The following ZNF415 variants were observed in gnomAD, a reference collection of about 807,000 sequenced individuals.
ZNF415 encodes zinc finger protein 415.
A neutral mutation model predicts 7.3 loss-of-function variants in ZNF415; 5 were observed. The observed-to-expected ratio is 0.69, with a 90% CI of 0.36 to 1.44. The LOEUF is 1.44. Ranked by LOEUF, ZNF415 falls within the 40% of genes most tolerant of loss-of-function variation. ZNF415 has a pLI of 0.04. For missense variants in ZNF415, 628 were observed against 664.8 expected (o/e 0.94, Z 0.61); for synonymous variants, 207 against 226.3 (o/e 0.91, Z 0.77).
At chr19:53,123,395 G>A (rs1397325126) in intron 1 of ZNF415, 2 of 397,326 alleles carry the variant, frequency 5.0e-6, no homozygotes, top group African/African-American at 4.1e-5. Flanking sequence ...GACCAGAGGT[G>A]GGGGTGAGGG....
intron 3 of ZNF415, chr19:53,115,752 C>A: frequency 6.4e-7 from 1 of 1,550,474 alleles, no homozygotes; most frequent in Non-Finnish European, 8.7e-7. Context: ...TTTCTTGCTA[C>A]TCGTACTTGG....
chr19:53,123,845 T>A, intron 1 of ZNF415: 1 of 324,000 alleles, frequency 3.1e-6, no homozygotes, highest in Non-Finnish European at 5.5e-6. Context: ...GTCCCGCTCA[T>A]CTGAGATGTG....
intron 1 of ZNF415, chr19:53,129,762 C>A: frequency 2.5e-6 from 1 of 395,330 alleles, no homozygotes; most frequent in Non-Finnish European, 4.5e-6. Flanking sequence ...TATCACATCT[C>A]CCTTAGAAAA....
At chr19:53,121,510 C>T (rs1156769549) in intron 2 of ZNF415, among the ~76,000 whole-genome samples, 1 of 152,054 alleles carries the variant, frequency 6.6e-6, no homozygotes, top group African/African-American at 2.4e-5. Flanking sequence ...TTACTGTAAC[C>T]TTTGCCTCCC....
intron 1 of ZNF415, among the ~76,000 whole-genome samples, chr19:53,130,928 G>A (rs375665167): frequency 2.6e-5 from 4 of 152,106 alleles, no homozygotes; most frequent in Non-Finnish European, 1.5e-5. Flanking sequence ...ACAGGCATGA[G>A]CCACCATGCC....
rs2088319550 is a variant in ZNF415, at chr19:53,122,703, G to A, written c.-27C>T. The stretch of plus-strand genomic sequence containing the variant: ...CCTGACTCCTTTGCTCTCCTCTTCT[G>A]GGTTTCTTCCTCATGTGCCAGGAGT... On this transcript the variant is annotated 5_prime_UTR_variant, in exon 2 of 4. Transcript: ENST00000243643. 1 of 1,613,984 alleles carries A rather than the reference G, an allele frequency of 6.2e-7. No homozygotes were observed. The highest frequency in any genetic ancestry group is 2.2e-5 in the East Asian group (1 of 44,872).
In ZNF415 at chr19:53,109,069, T is replaced by C; in HGVS notation, c.976A>G (p.Lys326Glu). 1 of 1,612,434 alleles carries C rather than the reference T, an allele frequency of 6.2e-7. No homozygotes were observed. Among genetic ancestry groups the C allele is most frequent in the Non-Finnish European group, 8.5e-7 (1 of 1,178,614 alleles). ...CCACACTCTTTACATGTGTAAGGTTTCTCTCCAATATGAGTTTTCTGATGT... is the reference window on the plus strand; with the variant it reads ...CCACACTCTTTACATGTGTAAGGTTCCTCTCCAATATGAGTTTTCTGATGT... ...ALHQKTHIGE[K>E]PYTCKECGKA... The change falls in exon 4 of 4, where the codon AAA becomes GAA. Residue 326 changes from lysine to glutamate, a missense_variant. Transcript: ENST00000243643.
intron 3 of ZNF415, 105 bp downstream of exon 3, chr19:53,116,208 G>T (rs1411168937): frequency 2.3e-6 from 3 of 1,293,090 alleles, no homozygotes; most frequent in African/African-American, 3.0e-5. Flanking sequence ...AGTCAACAAG[G>T]CCTCAAACTC....
intron 3 of ZNF415, among the ~76,000 whole-genome samples, chr19:53,114,365 CG>C (rs2086686776): frequency 6.6e-6 from 1 of 152,052 alleles, no homozygotes; most frequent in African/African-American, 2.4e-5. Context: ...TTAGTAGAGA[CG>C]GGGTTTCACC....
Position 53,109,467 on chromosome 19 carries a change from T to C in ZNF415, c.578A>G (p.Tyr193Cys), listed in dbSNP as rs1560099. 265,202 of 1,613,688 alleles carry C rather than the reference T, an allele frequency of 0.16. 24,244 individuals carry two copies. The highest frequency in any genetic ancestry group is 0.35 in the East Asian group (15,823 of 44,856). ...STIKTHVSNKYGTDFICSSLL... is the reference protein window; with the variant it reads ...STIKTHVSNKCGTDFICSSLL... ...TGAAGAACAGATGAAATCAGTCCCA[T>C]ATTTATTAGAAACATGGGTTTTGAT... Residue 193 changes from tyrosine to cysteine, a missense_variant, in exon 4 of 4, where the codon TAT (tyrosine) becomes TGT (cysteine). Physicochemically the swap from Tyr to Cys is radical, Grantham distance 194. Transcript: ENST00000243643.
intron 1 of ZNF415, among the ~76,000 whole-genome samples, chr19:53,127,813 G>C (rs2089432500): frequency 6.6e-6 from 1 of 151,298 alleles, no homozygotes; most frequent in South Asian, 2.1e-4. Flanking sequence ...GGAGGTGGAG[G>C]TTGCAGTGGG....
rs913589438 is a variant in ZNF415, at chr19:53,115,639, C to T, written c.136+674G>A. 673 of 1,277,684 alleles carry T rather than the reference C, an allele frequency of 5.3e-4. 7 individuals are homozygous for T. Among genetic ancestry groups the T allele is most frequent in the Middle Eastern group, 7.4e-4 (4 of 5,394 alleles). 79.1% of individuals were successfully genotyped at this position (1,277,684 alleles called of 1,614,324 possible). On this transcript the variant is annotated intron_variant, in intron 3 of 3. Transcript: ENST00000243643. ...TTTGTTTTCCTACAGAACTCTCCCA[C>T]TTGCTAAGAGTTTCCAAACATAGTG...
At chr19:53,130,610 G>T (rs980569019) in intron 1 of ZNF415, among the ~76,000 whole-genome samples, 8 of 151,928 alleles carry the variant, frequency 5.3e-5, no homozygotes, top group African/African-American at 1.9e-4. Context: ...AAGGGAATTA[G>T]TAAGAAAAAA....
At chr19:53,110,408 T>C (rs1302500371) in intron 3 of ZNF415, among the ~76,000 whole-genome samples, 1 of 152,092 alleles carries the variant, frequency 6.6e-6, no homozygotes, top group African/African-American at 2.4e-5. Context: ...AAAACAGTAA[T>C]AGCACTGAGA....
rs2085884627 is a variant in ZNF415, at chr19:53,109,375, C to T, written c.670G>A (p.Ala224Thr). Residue 224 changes from alanine to threonine, a missense_variant, in exon 4 of 4, where the codon GCC (alanine) becomes ACC (threonine). By Grantham distance (58) the Ala-to-Thr change is moderately conservative. Coordinates refer to ENST00000243643, the MANE Select transcript of ZNF415 (RefSeq NM_018355.4). ...KPYRYIECDK[A>T]LNHGSHMTVR... ...GTCATGTGTGAGCCATGATTCAAGG[C>T]TTTGTCGCACTCAATATATCTGTAA... 6.2e-7 allele frequency: 1 copy of T among 1,614,130 alleles called. No homozygotes were observed. Among genetic ancestry groups the T allele is most frequent in the Non-Finnish European group, 8.5e-7 (1 of 1,180,006 alleles).
chr19:53,115,991 A>G, intron 3 of ZNF415: 1 of 628,350 alleles, frequency 1.6e-6, no homozygotes. Flanking sequence ...AGACTGTAAT[A>G]TGCAAATATC....
intron 1 of ZNF415, chr19:53,123,462 T>C (rs2088488969): frequency 2.5e-6 from 1 of 398,298 alleles, no homozygotes; most frequent in South Asian, 1.3e-4. Context: ...GAGAAGGTGA[T>C]ATTGGAACCG....
chr19:53,129,715 T>C (rs1486398003), intron 1 of ZNF415: 1 of 398,384 alleles, frequency 2.5e-6, no homozygotes, highest in Non-Finnish European at 4.4e-6. Context: ...AATTATGATG[T>C]CACGACCTGG....
In ZNF415 at chr19:53,109,194, T is replaced by C; in HGVS notation, c.851A>G (p.Asn284Ser). The C allele has an allele frequency of 6.2e-7, 1 of 1,614,090 alleles. No individual in the cohort carries two copies. ...TCTCCGATGTAGTGCAAGGCATGAG[T>C]TGCGACTGAAACTTCTGTCACATTC... Reference protein sequence around the residue: ...CNECDRSFSRNSCLALHRRVH... With the variant: ...CNECDRSFSRSSCLALHRRVH... The change falls in exon 4 of 4, where the codon AAC becomes AGC. Residue 284 changes from asparagine (N) to serine (S), a missense_variant. Coordinates refer to ENST00000243643, the MANE Select transcript of ZNF415 (RefSeq NM_018355.4).
Sources: gnomAD v4.1 joint callset for allele counts (sites outside exome capture counted in the v4.1 genomes callset) on GRCh38, gnomAD v4.1.1 for gene constraint, MANE v1.5 for transcripts, NCBI Gene and HGNC (gene_info 2026-07-23, HGNC 2026-07-21) for gene names.